Variants in SNX6 observed in about 807,000 individuals in gnomAD.
SNX6 encodes sorting nexin-6.
SNX6 carries 34 observed loss-of-function variants against 63.0 expected under a neutral mutation model. The observed-to-expected ratio is 0.54, with a 90% confidence interval of 0.41 to 0.72. SNX6 has a LOEUF of 0.72. SNX6 is among the 30% of genes least tolerant of loss of function. SNX6 has a pLI of 0.00. For synonymous variants in SNX6, 170 were observed against 164.2 expected (o/e 1.04, Z -0.27); for missense variants, 398 against 471.4 (o/e 0.84, Z 1.44).
chr14:34,566,827 C>T (rs969369813), intron 13 of SNX6, among the ~76,000 whole-genome samples: 3 of 152,008 alleles, frequency 2.0e-5, no homozygotes, highest in East Asian at 1.9e-4. Flanking sequence ...CCCAGCTACT[C>T]GGGAGGCTGA....
intron 4 of SNX6, among the ~76,000 whole-genome samples, chr14:34,607,428 G>A (rs1190176804): frequency 2.0e-5 from 3 of 151,896 alleles, no homozygotes; most frequent in African/African-American, 4.8e-5. Context: ...CCAACATGGC[G>A]AAATCCCGTC....
chr14:34,613,076 A>G (rs1442861235), intron 2 of SNX6, among the ~76,000 whole-genome samples: 6 of 151,960 alleles, frequency 3.9e-5, no homozygotes, highest in African/African-American at 1.4e-4. Context: ...CAGGAAAAAA[A>G]CACTCCAATA....
Position 34,629,887 on chromosome 14 carries a change from G to T in SNX6, c.54+20C>A, listed in dbSNP as rs1409009335. The T allele has an allele frequency of 1.3e-6, 2 of 1,554,936 alleles. No homozygotes were observed. The highest frequency in any genetic ancestry group is 1.2e-5 in the South Asian group (1 of 84,194). ...AAGGAGGGTCCAGGGTCCCGCGAGCGAAAGGAAGGCAGAACTTACTCCGCG... is the reference window on the plus strand; with the variant it reads ...AAGGAGGGTCCAGGGTCCCGCGAGCTAAAGGAAGGCAGAACTTACTCCGCG... On this transcript the variant is annotated intron_variant, in intron 2 of 13. Transcript: ENST00000362031.
chr14:34,581,637 A>C (rs779117494), intron 9 of SNX6, 37 bp from the exon 10 acceptor site: 6 of 1,302,644 alleles, frequency 4.6e-6, no homozygotes, highest in Middle Eastern at 1.9e-4. Context: ...TTCTACATTC[A>C]AAGTAATTTT....
At chr14:34,594,070 A>G (rs1171541670) in intron 7 of SNX6, among the ~76,000 whole-genome samples, 1 of 152,144 alleles carries the variant, frequency 6.6e-6, no homozygotes, top group African/African-American at 2.4e-5. Flanking sequence ...ATCTGCCTCT[A>G]CAATTTTGCT....
At chr14:34,613,935 C>T (rs927541938) in intron 2 of SNX6, among the ~76,000 whole-genome samples, 21 of 151,600 alleles carry the variant, frequency 1.4e-4, no homozygotes, top group African/African-American at 4.1e-4. Context: ...GGTGAAACCC[C>T]GTCTCTTACT....
chr14:34,625,245 A>G (rs754314818), intron 2 of SNX6, among the ~76,000 whole-genome samples: 1 of 152,152 alleles, frequency 6.6e-6, no homozygotes, highest in Non-Finnish European at 1.5e-5. Flanking sequence ...GCTCAACAAG[A>G]TGATCTAAAC....
intron 10 of SNX6, among the ~76,000 whole-genome samples, chr14:34,576,785 T>C (rs1378954228): frequency 6.6e-6 from 1 of 151,844 alleles, no homozygotes; most frequent in Non-Finnish European, 1.5e-5. Flanking sequence ...TCTTTTACCT[T>C]CATTAATATT....
intron 2 of SNX6, among the ~76,000 whole-genome samples, chr14:34,611,145 C>T (rs548657388): frequency 6.6e-6 from 1 of 152,122 alleles, no homozygotes; most frequent in South Asian, 2.1e-4. Context: ...GTCGTGCGCC[C>T]CCACATCCAG....
At chr14:34,569,324 T>C (rs1020334807) in intron 11 of SNX6, among the ~76,000 whole-genome samples, 2 of 152,140 alleles carry the variant, frequency 1.3e-5, no homozygotes, top group African/African-American at 4.8e-5. Flanking sequence ...AGAAACCCCA[T>C]GCCCATTAAC....
intron 8 of SNX6, among the ~76,000 whole-genome samples, chr14:34,591,334 T>C (rs1294750085): frequency 6.6e-6 from 1 of 152,174 alleles, no homozygotes; most frequent in Non-Finnish European, 1.5e-5. Context: ...ATTGGTCCAA[T>C]GAATTATGCA....
At chr14:34,577,921 TG>T (rs1229920389) in intron 10 of SNX6, among the ~76,000 whole-genome samples, 1 of 152,116 alleles carries the variant, frequency 6.6e-6, no homozygotes, top group African/African-American at 2.4e-5. Flanking sequence ...ATGTTAATAT[TG>T]GCCAGGTGCA....
chr14:34,624,358 C>T (rs531938280), intron 2 of SNX6, among the ~76,000 whole-genome samples: 1 of 152,294 alleles, frequency 6.6e-6, no homozygotes, highest in South Asian at 2.1e-4. Context: ...ATCTCGGCCT[C>T]GCAAAGTGCT....
At chr14:34,608,764 A>C (rs920608845) in intron 3 of SNX6, among the ~76,000 whole-genome samples, 1 of 152,218 alleles carries the variant, frequency 6.6e-6, no homozygotes, top group African/African-American at 2.4e-5. Flanking sequence ...ACGGTGGCTC[A>C]CGCCTGTAAT....
intron 5 of SNX6, chr14:34,604,209 A>G (rs534446354): frequency 3.1e-6 from 4 of 1,289,026 alleles, no homozygotes; most frequent in Admixed American, 4.6e-5. Context: ...GACAAAAAAG[A>G]AGGATGCAGA....
At chr14:34,620,011 A>G (rs1883565720) in intron 2 of SNX6, among the ~76,000 whole-genome samples, 1 of 152,106 alleles carries the variant, frequency 6.6e-6, no homozygotes, top group Admixed American at 6.6e-5. Context: ...TGACCTCAAG[A>G]TCAATATAAT....
intron 2 of SNX6, among the ~76,000 whole-genome samples, chr14:34,627,606 C>T (rs557286562): frequency 6.6e-6 from 1 of 152,296 alleles, no homozygotes; most frequent in African/African-American, 2.4e-5. Flanking sequence ...TCTCCTGCCT[C>T]AGCCTCTGAA....
intron 7 of SNX6, 97 bp downstream of exon 7, chr14:34,597,453 T>G (rs931842631): frequency 2.6e-6 from 2 of 762,288 alleles, no homozygotes; most frequent in Non-Finnish European, 2.2e-6. Flanking sequence ...ACCGTCCAAA[T>G]GTCTTTTACT....
At chr14:34,602,413 G>A (rs1882850477) in intron 6 of SNX6, among the ~76,000 whole-genome samples, 1 of 143,834 alleles carries the variant, frequency 7.0e-6, no homozygotes, top group South Asian at 2.2e-4. Context: ...GGAAACAAGA[G>A]CGAAACTGTC....
Sources: gnomAD v4.1 joint callset for allele counts (sites outside exome capture counted in the v4.1 genomes callset) on GRCh38, gnomAD v4.1.1 for gene constraint, MANE v1.5 for transcripts, NCBI Gene and HGNC (gene_info 2026-07-23, HGNC 2026-07-21) for gene names.